The following ACTR3B variants were observed in gnomAD, a reference collection of about 807,000 sequenced individuals.
ACTR3B encodes the protein actin related protein 3B.
ACTR3B carries 8 observed loss-of-function variants against 59.0 expected under a neutral mutation model. That is an observed-to-expected ratio of 0.14 (90% CI 0.08 to 0.24). The LOEUF (loss-of-function observed/expected upper bound fraction) is 0.24. Among genes scored for constraint, ACTR3B ranks in the 10% least tolerant of loss-of-function variants. ACTR3B has a pLI of 1.00. For missense variants in ACTR3B, 245 were observed against 552.3 expected (o/e 0.44, Z 5.58); for synonymous variants, 148 against 197.9 (o/e 0.75, Z 2.12).
At chr7:152,853,429 C>T (rs943566386) in intron 10 of ACTR3B, 65 bp from the exon 11 acceptor site, 37 of 1,497,432 alleles carry the variant, frequency 2.5e-5, no homozygotes, top group Middle Eastern at 1.7e-4. Flanking sequence ...TCTCGTCAGC[C>T]GGGGGATGAT....
At chr7:152,810,366 C>G (rs1193529260) in intron 4 of ACTR3B, among the ~76,000 whole-genome samples, 3 of 151,302 alleles carry the variant, frequency 2.0e-5, no homozygotes, top group Non-Finnish European at 4.4e-5. Flanking sequence ...CCCTGCCTCC[C>G]AAAGTGCTGG....
Position 152,790,801 on chromosome 7 carries a change from G to A in ACTR3B, c.100+7559G>A, listed in dbSNP as rs576531466. Among the ~76,000 whole-genome samples the A allele has an allele frequency of 9.9e-5, 15 of 152,176 alleles. No homozygotes were observed. The East Asian group carries it at 2.5e-3, about 25-fold the overall frequency. ...ACTGGATTAAAAAATTACTATTGTT[G>A]TGTCTCTCAACTGTTGTAGCAAATG... On this transcript the variant is annotated intron_variant, in intron 2 of 11. Transcript: ENST00000256001.
At chr7:152,789,288 A>C (rs2098186644) in intron 2 of ACTR3B, among the ~76,000 whole-genome samples, 1 of 148,952 alleles carries the variant, frequency 6.7e-6, no homozygotes, top group Non-Finnish European at 1.5e-5. Flanking sequence ...GCTACTCGGG[A>C]GGCTGAGGTG....
intron 2 of ACTR3B, among the ~76,000 whole-genome samples, chr7:152,789,904 TAAA>T (rs578155044): frequency 6.6e-6 from 1 of 151,842 alleles, no homozygotes; most frequent in Admixed American, 6.5e-5. Flanking sequence ...TTTTTTTAAT[TAAA>T]AAAATCATGA....
In ACTR3B at chr7:152,800,569, G is replaced by A. The variant is rs570058914; in HGVS notation, c.139G>A (p.Ala47Thr). Residue 47 changes from alanine to threonine, a missense_variant, in exon 3 of 12, where the codon GCT (alanine) becomes ACT (threonine). Around this residue, in one of 7 missense-constraint regions of ACTR3B, gnomAD observed 14 missense variants for 16.2 expected, o/e 0.86. Transcript: ENST00000256001. ...AGAGTCAGCAAAGGTAGTTGACCAAGCTCAAAGGAGAGTGTTGAGGGGAGT... is the reference window on the plus strand; with the variant it reads ...AGAGTCAGCAAAGGTAGTTGACCAAACTCAAAGGAGAGTGTTGAGGGGAGT... ...IRESAKVVDQAQRRVLRGVDD... is the reference protein window; with the variant it reads ...IRESAKVVDQTQRRVLRGVDD... 3.1e-6 allele frequency: 5 copies of A among 1,614,046 alleles called. No individual in the cohort carries two copies. The highest frequency in any genetic ancestry group is 1.3e-5 in the African/African-American group (1 of 75,030).
Position 152,855,263 on chromosome 7 carries a change from T to A in ACTR3B, c.*710T>A, listed in dbSNP as rs1799164940. 6.6e-6 allele frequency: 1 copy of A among 152,392 alleles called. No individual in the cohort carries two copies. The highest frequency in any genetic ancestry group is 1.5e-5 in the Non-Finnish European group (1 of 68,040). 9.4% of individuals were successfully genotyped at this position (152,392 alleles called of 1,614,324 possible). On this transcript the variant is annotated 3_prime_UTR_variant, in exon 12 of 12. Transcript: ENST00000256001. ...GATACATGTATCTTTTAGTTTTTTT[T>A]GTTTGAACTTTCTGGAGCTGTTTTA...
chr7:152,836,023 C>T (rs1797428076), intron 9 of ACTR3B, among the ~76,000 whole-genome samples: 1 of 148,960 alleles, frequency 6.7e-6, no homozygotes, highest in South Asian at 2.2e-4. Flanking sequence ...GAGGGGTTGC[C>T]AGGCTGGTGA....
chr7:152,783,405 A>C (rs560595808), intron 2 of ACTR3B, among the ~76,000 whole-genome samples, 163 bp downstream of exon 2: 84 of 152,334 alleles, frequency 5.5e-4, no homozygotes, highest in South Asian at 1.2e-3. Flanking sequence ...TTCCATTCTG[A>C]TAAAGCCCCT....
intron 9 of ACTR3B, among the ~76,000 whole-genome samples, chr7:152,833,655 T>C (rs569772680): frequency 1.3e-5 from 2 of 152,304 alleles, no homozygotes; most frequent in Non-Finnish European, 2.9e-5. Flanking sequence ...ATTTTTGTTA[T>C]TTTTAATACC....
rs1487306015 is a variant in ACTR3B, at chr7:152,796,401, A to C, written c.101-4130A>C. Among the ~76,000 whole-genome samples the C allele has an allele frequency of 6.0e-5, 9 of 150,542 alleles. No individual in the cohort carries two copies. The East Asian group carries it at 1.6e-3, about 26-fold the overall frequency. ...GGGTACCTGTTCAGTTCCGCCAGTC[A>C]CAAATTTGGTCTCCAATTTGGTATA... On this transcript the variant is annotated intron_variant, in intron 2 of 11. Transcript: ENST00000256001.
At chr7:152,843,815 G>T (rs1798054862) in intron 9 of ACTR3B, among the ~76,000 whole-genome samples, 1 of 152,172 alleles carries the variant, frequency 6.6e-6, no homozygotes, top group Non-Finnish European at 1.5e-5. Context: ...GTTGGCAGTT[G>T]TACTGTGGTA....
chr7:152,808,050 C>A (rs2098257968), intron 4 of ACTR3B, among the ~76,000 whole-genome samples: 1 of 152,120 alleles, frequency 6.6e-6, no homozygotes, highest in African/African-American at 2.4e-5. Flanking sequence ...CCTTTACCTG[C>A]CCCTGGAATG....
At chr7:152,828,828 A>G (rs1434466982) in intron 9 of ACTR3B, among the ~76,000 whole-genome samples, 1 of 151,910 alleles carries the variant, frequency 6.6e-6, no homozygotes, top group Admixed American at 6.6e-5. Context: ...CAGCTGTGCT[A>G]GCCACATAGA....
intron 9 of ACTR3B, among the ~76,000 whole-genome samples, chr7:152,836,231 A>G (rs1797445330): frequency 6.6e-6 from 1 of 152,248 alleles, no homozygotes; most frequent in Non-Finnish European, 1.5e-5. Flanking sequence ...AAGTATTTCA[A>G]AAGATAGGCT....
chr7:152,853,621 C>G (rs1799019409), intron 11 of ACTR3B, 44 bp downstream of exon 11: 3 of 1,562,386 alleles, frequency 1.9e-6, no homozygotes, highest in East Asian at 2.3e-5. Flanking sequence ...TTCCTGTGCT[C>G]TCGGTTGAGT....
chr7:152,789,023 AAACAACAACAAC>A (rs71182042), intron 2 of ACTR3B, among the ~76,000 whole-genome samples: 618 of 146,380 alleles, frequency 4.2e-3, no homozygotes, highest in African/African-American at 0.016. Context: ...CGCTGTCTCA[AAACAACAACAAC>A]AACAACAACA....
Position 152,854,612 on chromosome 7 carries a change from C to T in ACTR3B, c.*59C>T. The T allele has an allele frequency of 6.4e-7, 1 of 1,554,730 alleles. No homozygotes were observed. ...GTTGGGGAACAAGTGTCCTTCAGAA[C>T]CCAGAGAAGGCCGCCGTTCTGTAAA... On this transcript the variant is annotated 3_prime_UTR_variant, in exon 12 of 12. Transcript: ENST00000256001. The surrounding 1 kb of genome is among the most constrained non-coding windows in gnomAD (Gnocchi z 4.9).
At chr7:152,823,319 A>G (rs756576970) in intron 7 of ACTR3B, 23 bp from the exon 8 acceptor site, 16 of 1,609,718 alleles carry the variant, frequency 9.9e-6, no homozygotes, top group Non-Finnish European at 1.4e-5. Flanking sequence ...AATGCCTGGC[A>G]ACATCTTTGT....
At chr7:152,797,320 A>G (rs888510549) in intron 2 of ACTR3B, among the ~76,000 whole-genome samples, 6 of 152,096 alleles carry the variant, frequency 3.9e-5, no homozygotes, top group South Asian at 4.1e-4. Flanking sequence ...AGCTCAAGCT[A>G]TCCTCCTGCC....
Sources: allele counts gnomAD v4.1 joint callset (sites outside exome capture counted in the v4.1 genomes callset), GRCh38; gene constraint gnomAD v4.1.1; regional missense constraint gnomAD v4.1.1; non-coding constraint Gnocchi (gnomAD v3.1); transcripts MANE v1.5; gene names NCBI Gene and HGNC (gene_info 2026-07-23, HGNC 2026-07-21).